Variants in PDXK observed in about 807,000 individuals in gnomAD.
The protein encoded by PDXK is epididymis secretory sperm binding protein Li 1a.
A neutral mutation model predicts 43.2 loss-of-function variants in PDXK; 15 were observed. The ratio of observed to expected loss-of-function variants is 0.35; its 90% CI spans 0.23 to 0.53. The LOEUF is 0.53. Among genes scored for constraint, PDXK ranks in the 20% least tolerant of loss-of-function variants. PDXK has a pLI of 0.92. For synonymous variants in PDXK, 172 were observed against 165.4 expected (o/e 1.04, Z -0.31); for missense variants, 343 against 417.0 (o/e 0.82, Z 1.54).
Position 43,756,383 on chromosome 21 carries a change from T to C in PDXK, c.*320T>C, listed in dbSNP as rs1049766514. 41 of 295,848 alleles carry C rather than the reference T, an allele frequency of 1.4e-4. No individual in the cohort carries two copies. Among genetic ancestry groups the C allele is most frequent in the Non-Finnish European group, 2.6e-4 (39 of 152,482 alleles). 18.3% of individuals were successfully genotyped at this position (295,848 alleles called of 1,614,324 possible). A position where few individuals can be genotyped will look rare whatever the true frequency, so the allele number is the denominator to read the frequency against. On this transcript the variant is annotated 3_prime_UTR_variant, in exon 11 of 11. Transcript: ENST00000291565. ...GGTGAGTGGGTGAGGCCGAGCCTGC[T>C]GCGTGTGGAGCCTCGAGTGGGCCCT...
intron 7 of PDXK, 27 bp downstream of exon 7, chr21:43,750,572 G>C (rs552215476): frequency 6.3e-7 from 1 of 1,590,550 alleles, no homozygotes; most frequent in Non-Finnish European, 8.6e-7. Context: ...GGGCCTGTGC[G>C]GGGCACATGT....
chr21:43,733,243 C>CG (rs2083344246), intron 1 of PDXK, among the ~76,000 whole-genome samples: 1 of 82,008 alleles, frequency 1.2e-5, no homozygotes, highest in Admixed American at 1.2e-4. Context: ...GGAAGCCCCT[C>CG]CCCATCCCCA....
chr21:43,742,859 C>T (rs770200626), intron 3 of PDXK, among the ~76,000 whole-genome samples: 1 of 152,096 alleles, frequency 6.6e-6, no homozygotes, highest in Non-Finnish European at 1.5e-5. Context: ...CAGAATGAGA[C>T]CCTGTCTCAA....
intron 8 of PDXK, 110 bp downstream of exon 8, chr21:43,752,739 C>A: frequency 1.5e-6 from 1 of 678,938 alleles, no homozygotes; most frequent in Non-Finnish European, 2.6e-6. Flanking sequence ...TAAGCCTTAT[C>A]CAGCACCGGG....
chr21:43,726,077 C>A (rs533214306), intron 1 of PDXK, among the ~76,000 whole-genome samples: 5 of 151,990 alleles, frequency 3.3e-5, no homozygotes, highest in Non-Finnish European at 7.4e-5. Flanking sequence ...CAGAATGTGT[C>A]CCAATCCAGG....
intron 1 of PDXK, among the ~76,000 whole-genome samples, chr21:43,724,053 C>T (rs1423895662): frequency 2.6e-5 from 4 of 152,236 alleles, no homozygotes; most frequent in Non-Finnish European, 4.4e-5. Context: ...CATGGGACTC[C>T]CTGCAGCCCC....
chr21:43,740,383 C>CTCGCGGGGGGGCTCGCGG, intron 2 of PDXK, among the ~76,000 whole-genome samples: 1 of 152,086 alleles, frequency 6.6e-6, no homozygotes, highest in Non-Finnish European at 1.5e-5. Context: ...CCCACAAGTG[C>CTCGCGGGGGGGCTCGCGG]GTGATACTTG....
At chr21:43,755,253 C>CT (rs1238380294) in intron 9 of PDXK, among the ~76,000 whole-genome samples, 1 of 151,134 alleles carries the variant, frequency 6.6e-6, no homozygotes, top group African/African-American at 2.4e-5. Flanking sequence ...TGAGGCATCA[C>CT]TGAGTGATGA....
At chr21:43,719,475 C>A (rs941913889) in intron 1 of PDXK, 94 bp downstream of exon 1, 5 of 1,338,556 alleles carry the variant, frequency 3.7e-6, no homozygotes, top group Non-Finnish European at 5.0e-6. Context: ...GAGGGAGGCT[C>A]GGGAGCTGCG....
intron 6 of PDXK, 139 bp from the exon 7 acceptor site, chr21:43,750,361 G>A: frequency 1.4e-6 from 1 of 710,172 alleles, no homozygotes; most frequent in Non-Finnish European, 2.4e-6. Context: ...CCCCGGCCCA[G>A]GGTGGCCAGT....
intron 6 of PDXK, among the ~76,000 whole-genome samples, chr21:43,750,021 C>T (rs1365925213): frequency 6.6e-6 from 1 of 150,794 alleles, no homozygotes. Context: ...AGGTCTTGAG[C>T]CCCCCCATTC....
In PDXK at chr21:43,734,236, G is replaced by C. The variant is rs1056041683; in HGVS notation, c.142+113G>C. ...TGTGGGTGTGAGGGACGGGGCTTTC[G>C]TGTGGACGGGGACCTGGAGTCCTGG... is the stretch of plus-strand genomic sequence containing the variant. On this transcript the variant is annotated intron_variant, in intron 2 of 10. Coordinates refer to ENST00000291565, the MANE Select transcript of PDXK (RefSeq NM_003681.5). This position sits in a 1 kb window ranked among gnomAD's most constrained non-coding sequence, Gnocchi z 5.0. The C allele has an allele frequency of 2.1e-6, 2 of 971,502 alleles. No homozygotes were observed. The highest frequency in any genetic ancestry group is 1.3e-5 in the South Asian group (1 of 76,052). 60.2% of individuals were successfully genotyped at this position (971,502 alleles called of 1,614,324 possible). A position where few individuals can be genotyped will look rare whatever the true frequency, so the allele number is the denominator to read the frequency against.
At chr21:43,753,809 T>C in intron 9 of PDXK, 90 bp downstream of exon 9, 1 of 1,424,170 alleles carries the variant, frequency 7.0e-7, no homozygotes, top group Non-Finnish European at 9.5e-7. Flanking sequence ...GGGTCCCTGC[T>C]GAGCTGACAG....
chr21:43,740,698 G>A (rs1204654813), intron 2 of PDXK, among the ~76,000 whole-genome samples: 1 of 151,898 alleles, frequency 6.6e-6, no homozygotes, highest in Non-Finnish European at 1.5e-5. Context: ...GTCTGCCTGG[G>A]ACGGACACTT....
intron 5 of PDXK, among the ~76,000 whole-genome samples, chr21:43,747,835 C>T (rs2083664356): frequency 6.6e-6 from 1 of 152,220 alleles, no homozygotes; most frequent in Admixed American, 6.5e-5. Flanking sequence ...TCTCCCCTTT[C>T]CGTGAGGTTA....
Position 43,762,234 on chromosome 21 carries a change from T to A in PDXK, c.*6171T>A, listed in dbSNP as rs1482858628. The A allele has an allele frequency of 6.6e-6, 1 of 152,324 alleles. No homozygotes were observed. The highest frequency in any genetic ancestry group is 1.5e-5 in the Non-Finnish European group (1 of 68,084). 9.4% of individuals were successfully genotyped at this position (152,324 alleles called of 1,614,324 possible). On this transcript the variant is annotated 3_prime_UTR_variant, in exon 11 of 11. Transcript: ENST00000291565. ...CTCGGTCCTACAGCACTGTGTAGGC[T>A]GCATCTGTTTCGTGCTGGTCCTGTT...
chr21:43,732,443 G>T lies in PDXK; in HGVS notation c.88-1626G>T. 6.2e-7 allele frequency: 1 copy of T among 1,612,478 alleles called. No homozygotes were observed. The highest frequency in any genetic ancestry group is 8.5e-7 in the Non-Finnish European group (1 of 1,179,508). On this transcript the variant is annotated intron_variant, in intron 1 of 10. Transcript: ENST00000291565. The surrounding 1 kb of genome is among the most constrained non-coding windows in gnomAD (Gnocchi z 4.1). ...TGATGAATAAGCTGATTTTGATGGG[G>T]TGTGTGAAACGGAGATGCCAGCCCA... is the stretch of plus-strand genomic sequence containing the variant.
At position 43,750,918 on chromosome 21, in the gene PDXK, G is replaced by GCA. The variant is rs1568991121; in HGVS notation, c.510+374_510+375dup. ...TGGGCATGGGTGTGCACGCATGTGT[G>GCA]CATGTGTGTGCGTATGTGTGCACGT... On this transcript the variant is annotated intron_variant, in intron 7 of 10. Transcript: ENST00000291565. Among the ~76,000 whole-genome samples, 518 of 66,778 alleles carry GCA rather than the reference G, an allele frequency of 7.8e-3. 3 individuals are homozygous for GCA. The highest frequency in any genetic ancestry group is 0.024 in the African/African-American group (490 of 20,152). 43.8% of individuals were successfully genotyped at this position (66,778 alleles called of 152,430 possible). A position where few individuals can be genotyped will look rare whatever the true frequency, so the allele number is the denominator to read the frequency against.
chr21:43,750,644 C>T (rs1265829535), intron 7 of PDXK, 99 bp downstream of exon 7: 2 of 894,566 alleles, frequency 2.2e-6, no homozygotes, highest in Middle Eastern at 2.2e-4. Context: ...CATTTCTCCC[C>T]AGCAGTGACT....
Sources: gnomAD v4.1 joint callset for allele counts (sites outside exome capture counted in the v4.1 genomes callset) on GRCh38, gnomAD v4.1.1 for gene constraint, Gnocchi (gnomAD v3.1) non-coding constraint, MANE v1.5 for transcripts, NCBI Gene and HGNC (gene_info 2026-07-23, HGNC 2026-07-21) for gene names.